Variants in NYAP2 observed in about 807,000 individuals in gnomAD.
The protein encoded by NYAP2 is neuronal tyrosine-phosphorylated phosphoinositide-3-kinase adaptor 2.
A neutral mutation model predicts 50.4 loss-of-function variants in NYAP2; 23 were observed. That is an observed-to-expected ratio of 0.46 (90% CI 0.33 to 0.65). The LOEUF is 0.65. NYAP2 is among the 30% of genes least tolerant of loss of function. NYAP2 has a pLI of 0.02. For synonymous variants in NYAP2, 394 were observed against 365.2 expected (o/e 1.08, Z -0.90); for missense variants, 885 against 861.0 (o/e 1.03, Z -0.35).
chr2:225,651,216 C>A (rs1693725292), intron 6 of NYAP2, among the ~76,000 whole-genome samples: 1 of 152,214 alleles, frequency 6.6e-6, no homozygotes, highest in African/African-American at 2.4e-5. Context: ...GCCTGTGCTT[C>A]TGAGAGTTGT....
Position 225,633,824 on chromosome 2 carries a change from A to G in NYAP2, c.1828+6698A>G, listed in dbSNP as rs564431709. Among the ~76,000 whole-genome samples the G allele has an allele frequency of 5.3e-5, 8 of 152,352 alleles. No individual in the cohort carries two copies. The South Asian group carries it at 1.7e-3, about 32-fold the overall frequency. ...TCTCCCAACTTTTAAATGTAATTCA[A>G]TTTTTAGAAAACAATTGAGTAGAAT... On this transcript the variant is annotated intron_variant, in intron 6 of 6. Coordinates refer to ENST00000636099, the Ensembl canonical transcript of NYAP2.
At chr2:225,458,055 C>T (rs1689767378) in intron 3 of NYAP2, among the ~76,000 whole-genome samples, 1 of 151,320 alleles carries the variant, frequency 6.6e-6, no homozygotes, top group African/African-American at 2.4e-5. Flanking sequence ...TCCACCGATA[C>T]TTAAGAAAAA....
intron 6 of NYAP2, among the ~76,000 whole-genome samples, chr2:225,648,302 A>T (rs1353920781): frequency 1.3e-5 from 2 of 152,028 alleles, no homozygotes; most frequent in African/African-American, 4.8e-5. Flanking sequence ...ACCCGGCCCA[A>T]ATAGTATATA....
rs760306636 is a variant in NYAP2 at position 225,582,697 on chromosome 2, A to T, written c.1280A>T (p.His427Leu). 1 of 1,598,758 alleles carries T rather than the reference A, an allele frequency of 6.3e-7. No individual in the cohort carries two copies. The highest frequency in any genetic ancestry group is 8.5e-7 in the Non-Finnish European group (1 of 1,172,538). The change falls in exon 5 of 7, where the codon CAT becomes CTT. Residue 427 changes from histidine (H) to leucine (L), a missense_variant. By Grantham distance (99) the His-to-Leu change is moderately conservative. Coordinates refer to ENST00000636099, the Ensembl canonical transcript of NYAP2. The surrounding 1 kb of genome is among the most constrained non-coding windows in gnomAD (Gnocchi z 7.0). ...ACGCTGTACCGAACCCAGTCTCCCC[A>T]TGGCTACCCTAAAAGTCACTCCACC...
At chr2:225,606,831 T>A (rs1692795189) in intron 5 of NYAP2, among the ~76,000 whole-genome samples, 1 of 152,124 alleles carries the variant, frequency 6.6e-6, no homozygotes, top group Non-Finnish European at 1.5e-5. Flanking sequence ...CATGGTTTCT[T>A]TATTCTGTAT....
intron 4 of NYAP2, among the ~76,000 whole-genome samples, chr2:225,515,505 C>T (rs755650875): frequency 3.3e-5 from 5 of 151,624 alleles, no homozygotes; most frequent in Non-Finnish European, 7.4e-5. Context: ...AACTGTTATT[C>T]CTCTGCCCTC....
rs1335628739 is a variant in NYAP2 at position 225,597,934 on chromosome 2, ATGT to A, written c.1618+14907_1618+14909del. ...AATGAAATAAATTTTCAGAGGTTCC[ATGT>A]TGTTGTTTGCATAACTTGCTCTTCA... On this transcript the variant is annotated intron_variant, in intron 5 of 6. Transcript: ENST00000636099. Among the ~76,000 whole-genome samples the A allele has an allele frequency of 3.9e-5, 6 of 152,278 alleles. No homozygotes were observed. In the East Asian group the frequency reaches 7.7e-4, roughly 20 times the overall value.
chr2:225,485,096 C>A (rs543207909), intron 3 of NYAP2, among the ~76,000 whole-genome samples: 25 of 152,138 alleles, frequency 1.6e-4, no homozygotes, highest in Non-Finnish European at 3.2e-4. Flanking sequence ...GTAATAATCC[C>A]CATGTGTTGA....
In NYAP2 at chr2:225,439,300, C is replaced by T. The variant is rs182404207; in HGVS notation, c.221+30199C>T. Among the ~76,000 whole-genome samples, 11 of 152,178 alleles carry T rather than the reference C, an allele frequency of 7.2e-5. No homozygotes were observed. The East Asian group carries it at 2.1e-3, about 29-fold the overall frequency. Reference sequence around the variant, plus strand: ...AAGAAGGGGATTAAGCCAGTGATGGCCTCATAGTTAGGGAAAAAGTAGAAA... The same window carrying T: ...AAGAAGGGGATTAAGCCAGTGATGGTCTCATAGTTAGGGAAAAAGTAGAAA... On this transcript the variant is annotated intron_variant, in intron 3 of 6. Transcript: ENST00000636099.
chr2:225,412,252 C>A (rs1334871031), intron 3 of NYAP2, among the ~76,000 whole-genome samples: 1 of 25,814 alleles, frequency 3.9e-5, no homozygotes. Context: ...CCACTGCGCC[C>A]GGCTTTTTTT....
the NYAP2 span, among the ~76,000 whole-genome samples, chr2:225,666,066 A>G: frequency 6.6e-6 from 1 of 152,060 alleles, no homozygotes; most frequent in Non-Finnish European, 1.5e-5. Context: ...TCTGAAGACC[A>G]TCATCTGGGG....
At chr2:225,650,420 C>T (rs933456660) in intron 6 of NYAP2, among the ~76,000 whole-genome samples, 14 of 151,988 alleles carry the variant, frequency 9.2e-5, no homozygotes, top group Admixed American at 3.3e-4. Flanking sequence ...GCCAGTTGTT[C>T]GATGAGTTTA....
chr2:225,642,745 A>T (rs1693554766), intron 6 of NYAP2, among the ~76,000 whole-genome samples: 1 of 152,204 alleles, frequency 6.6e-6, no homozygotes, highest in African/African-American at 2.4e-5. Context: ...AAGAACTAAG[A>T]TAACTGGTGA....
intron 3 of NYAP2, among the ~76,000 whole-genome samples, chr2:225,475,844 A>C (rs962349850): frequency 6.6e-6 from 1 of 152,214 alleles, no homozygotes; most frequent in Non-Finnish European, 1.5e-5. Context: ...TTTATTTAGA[A>C]TATTCTCTGG....
At chr2:225,693,121 T>C in the NYAP2 span, among the ~76,000 whole-genome samples, 1 of 152,040 alleles carries the variant, frequency 6.6e-6, no homozygotes, top group East Asian at 1.9e-4. Flanking sequence ...CCAGTGCCCT[T>C]AGTTTTTAAT....
chr2:225,403,045 T>C (rs1038482154), intron 2 of NYAP2, among the ~76,000 whole-genome samples: 3 of 152,012 alleles, frequency 2.0e-5, no homozygotes, highest in African/African-American at 2.4e-5. Flanking sequence ...CAATGTGTTT[T>C]CAAATTGGTT....
intron 4 of NYAP2, among the ~76,000 whole-genome samples, chr2:225,548,278 A>G (rs1691617866): frequency 6.7e-6 from 1 of 150,144 alleles, no homozygotes; most frequent in African/African-American, 2.5e-5. Context: ...AATATGGAAC[A>G]TAGTTATTTT....
At chr2:225,627,043 G>T (rs772577490) in exon 6 of NYAP2, 1 of 1,597,538 alleles carries the variant, frequency 6.3e-7, no homozygotes, top group Non-Finnish European at 8.5e-7. Flanking sequence ...GAATGGGATG[G>T]AACACCAGGG....
chr2:225,581,928 TTTC>T lies in NYAP2; in HGVS notation c.524-7_524-5del. 10 of 1,583,634 alleles carry T rather than the reference TTTC, an allele frequency of 6.3e-6. No homozygotes were observed. Among genetic ancestry groups the T allele is most frequent in the African/African-American group, 1.4e-5 (1 of 73,644 alleles). On this transcript the variant is annotated splice_polypyrimidine_tract_variant and intron_variant, in intron 4 of 6. Coordinates refer to ENST00000636099, the Ensembl canonical transcript of NYAP2. ...TATACTCATCTATTCCACTACGTTTTTTCTTCTTTTAGCGTCAGCTAAACCAAG... is the reference window on the plus strand; with the variant it reads ...TATACTCATCTATTCCACTACGTTTTTTCTTTTAGCGTCAGCTAAACCAAG...
Sources: gnomAD v4.1 joint callset for allele counts (sites outside exome capture counted in the v4.1 genomes callset) on GRCh38, gnomAD v4.1.1 for gene constraint, Gnocchi (gnomAD v3.1) non-coding constraint, MANE v1.5 for transcripts, NCBI Gene and HGNC (gene_info 2026-07-23, HGNC 2026-07-21) for gene names.